MIGA1: variants seen among roughly 807,000 people sequenced by gnomAD.
The protein encoded by MIGA1 is mitoguardin 1.
In MIGA1, 58 loss-of-function variants were observed where a neutral mutation model predicts 82.0. The ratio of observed to expected loss-of-function variants is 0.71; its 90% CI spans 0.57 to 0.88. The LOEUF is 0.88. MIGA1 is among the 40% of genes least tolerant of loss of function. MIGA1 has a pLI of 0.00. For missense variants in MIGA1, 751 were observed against 749.1 expected (o/e 1.00, Z -0.03); for synonymous variants, 249 against 253.6 (o/e 0.98, Z 0.17).
chr1:77,819,292 C>T lies in MIGA1; in HGVS notation c.895+4061C>T, dbSNP rs573011653. 1.3e-4 allele frequency among the ~76,000 whole-genome samples: 20 copies of T among 152,052 alleles called. No individual in the cohort carries two copies. The South Asian group carries it at 3.5e-3, about 27-fold the overall frequency. The stretch of plus-strand genomic sequence containing the variant: ...AGAGTCCTTCCTTTCCTTTTCTCTT[C>T]CCTTTTCCCTTTTTCCTTTTCACTC... On this transcript the variant is annotated intron_variant, in intron 7 of 15. Coordinates refer to ENST00000370791, the MANE Select transcript of MIGA1 (RefSeq NM_198549.4).
At chr1:77,848,540 G>A (rs1316993349) in intron 8 of MIGA1, 2 of 1,295,570 alleles carry the variant, frequency 1.5e-6, no homozygotes, top group African/African-American at 1.5e-5. Flanking sequence ...GACCAAGAAA[G>A]ATCCAACAAA....
intron 2 of MIGA1, among the ~76,000 whole-genome samples, chr1:77,788,459 T>C (rs2101698782): frequency 6.6e-6 from 1 of 152,338 alleles, no homozygotes; most frequent in East Asian, 1.9e-4. Context: ...TTTTTTATTC[T>C]GTTGATGGTG....
At chr1:77,800,287 T>C (rs1272566458) in intron 2 of MIGA1, among the ~76,000 whole-genome samples, 2 of 152,186 alleles carry the variant, frequency 1.3e-5, no homozygotes, top group Non-Finnish European at 2.9e-5. Context: ...CTCTCAACAG[T>C]GTATTCTTTC....
chr1:77,843,220 G>A, intron 7 of MIGA1, 87 bp from the exon 8 acceptor site: 1 of 943,052 alleles, frequency 1.1e-6, no homozygotes, highest in Non-Finnish European at 1.7e-6. Flanking sequence ...AAAGACTGGG[G>A]GAAAAATCAA....
At chr1:77,859,277 T>C (rs773811263) in intron 9 of MIGA1, 37 bp from the exon 10 acceptor site, 2 of 1,498,808 alleles carry the variant, frequency 1.3e-6, no homozygotes, top group South Asian at 2.3e-5. Flanking sequence ...TGATCTTGAA[T>C]GTAGTTTAAC....
At chr1:77,851,876 CTTTTTTTT>C (rs374230686) in intron 8 of MIGA1, among the ~76,000 whole-genome samples, 1 of 120,400 alleles carries the variant, frequency 8.3e-6, no homozygotes, top group Non-Finnish European at 1.7e-5. Flanking sequence ...AGTTTTCTTT[CTTTTTTTT>C]TTTTTTTTTT....
chr1:77,827,025 T>G (rs1684056147), intron 7 of MIGA1, among the ~76,000 whole-genome samples: 1 of 152,026 alleles, frequency 6.6e-6, no homozygotes, highest in African/African-American at 2.4e-5. Context: ...CAGGCTGGTC[T>G]CAAGCTCCTG....
chr1:77,803,275 A>G lies in MIGA1; in HGVS notation c.379A>G (p.Ser127Gly), dbSNP rs749653531. Reference sequence around the variant, plus strand: ...TTAGTATGTTTATTTGATAGGTTCAAGTTGTTCCAGTAGCAGACAGAATTT... The same window carrying G: ...TTAGTATGTTTATTTGATAGGTTCAGGTTGTTCCAGTAGCAGACAGAATTT... Residue 127 changes from serine (S) to glycine (G), a missense_variant, in exon 4 of 16, where the codon AGT becomes GGT. Physicochemically the swap from Ser to Gly is moderately conservative, Grantham distance 56. Transcript: ENST00000370791. The G allele has an allele frequency of 3.4e-5, 52 of 1,519,164 alleles. No individual in the cohort carries two copies. Among genetic ancestry groups the G allele is most frequent in the South Asian group, 1.8e-4 (13 of 74,194 alleles). The allele number at this position is 1,519,164 out of a possible 1,614,324, so 94.1% of individuals were successfully genotyped here. A position where few individuals can be genotyped will look rare whatever the true frequency, so the allele number is the denominator to read the frequency against.
intron 4 of MIGA1, among the ~76,000 whole-genome samples, chr1:77,805,165 T>A (rs1683044346): frequency 6.6e-6 from 1 of 151,630 alleles, no homozygotes; most frequent in Non-Finnish European, 1.5e-5. Flanking sequence ...CGGCTAATTT[T>A]TTGTATTTTT....
At chr1:77,850,996 A>T (rs1213315618) in intron 8 of MIGA1, among the ~76,000 whole-genome samples, 3 of 151,966 alleles carry the variant, frequency 2.0e-5, no homozygotes, top group African/African-American at 7.2e-5. Flanking sequence ...CAGCCTCCCA[A>T]GTAGCTGGGA....
chr1:77,869,826 C>A (rs1305450295), intron 14 of MIGA1, among the ~76,000 whole-genome samples: 1 of 109,672 alleles, frequency 9.1e-6, no homozygotes, highest in Non-Finnish European at 1.9e-5. Context: ...GCAGAGGCGC[C>A]CCTCACCTCC....
chr1:77,839,889 G>T (rs1005598399), intron 7 of MIGA1, among the ~76,000 whole-genome samples: 2 of 152,000 alleles, frequency 1.3e-5, no homozygotes, highest in African/African-American at 4.8e-5. Flanking sequence ...CTACAGGTGT[G>T]TGCCACTGCA....
chr1:77,872,523 CT>C (rs1421290097), intron 14 of MIGA1, among the ~76,000 whole-genome samples: 1 of 152,082 alleles, frequency 6.6e-6, no homozygotes, highest in Non-Finnish European at 1.5e-5. Context: ...ATCACTCAAG[CT>C]TGGGAAGTTG....
In MIGA1 at chr1:77,874,890, G is replaced by T. The variant is rs1217066309; in HGVS notation, c.1725G>T (p.Lys575Asn). Reference sequence around the variant, plus strand: ...TCAAAGACATTTTTGACTTTGAGAAGGTGCGCTATTCAAGTACAGAGACTT... The same window carrying T: ...TCAAAGACATTTTTGACTTTGAGAATGTGCGCTATTCAAGTACAGAGACTT... The change falls in exon 16 of 16, where the codon AAG (lysine) becomes AAT (asparagine). Residue 575 changes from lysine to asparagine, a missense_variant. Coordinates refer to ENST00000370791, the MANE Select transcript of MIGA1 (RefSeq NM_198549.4). 2 of 1,614,070 alleles carry T rather than the reference G, an allele frequency of 1.2e-6. No individual in the cohort carries two copies. The highest frequency in any genetic ancestry group is 4.5e-5 in the East Asian group (2 of 44,868).
intron 2 of MIGA1, among the ~76,000 whole-genome samples, chr1:77,790,423 C>T (rs577030817): frequency 1.3e-5 from 2 of 152,204 alleles, no homozygotes; most frequent in South Asian, 4.2e-4. Context: ...CCCGCCACCA[C>T]ACCCGGCTAA....
At chr1:77,808,611 A>G (rs1195394971) in intron 5 of MIGA1, among the ~76,000 whole-genome samples, 1 of 152,230 alleles carries the variant, frequency 6.6e-6, no homozygotes, top group Non-Finnish European at 1.5e-5. Context: ...GAAGAACCAA[A>G]TGAACCTGTT....
intron 1 of MIGA1, chr1:77,782,977 C>A (rs1383940510): frequency 1.6e-6 from 1 of 607,608 alleles, no homozygotes; most frequent in Non-Finnish European, 2.1e-6. Context: ...GGAAAATTTG[C>A]TACCCGGACT....
chr1:77,788,067 A>G (rs922476078), intron 2 of MIGA1, among the ~76,000 whole-genome samples: 2 of 146,462 alleles, frequency 1.4e-5, no homozygotes, highest in Admixed American at 6.8e-5. Flanking sequence ...GCTCACTGCA[A>G]CCTCCGCTCA....
intron 8 of MIGA1, among the ~76,000 whole-genome samples, chr1:77,851,908 A>T (rs975894125): frequency 4.3e-4 from 51 of 119,900 alleles, no homozygotes; most frequent in African/African-American, 1.5e-3. Context: ...ACAGAGTCTT[A>T]CTCTGTCACT....
Sources: gnomAD v4.1 joint callset for allele counts (sites outside exome capture counted in the v4.1 genomes callset) on GRCh38, gnomAD v4.1.1 for gene constraint, MANE v1.5 for transcripts, NCBI Gene and HGNC (gene_info 2026-07-23, HGNC 2026-07-21) for gene names.